LRRC4C: variants seen among roughly 807,000 people sequenced by gnomAD.
LRRC4C encodes leucine rich repeat containing 4C, also known as leucine-rich repeat-containing protein 4C.
A neutral mutation model predicts 33.6 loss-of-function variants in LRRC4C; 5 were observed. The observed-to-expected ratio is 0.15, with a 90% CI of 0.08 to 0.31. LRRC4C has a LOEUF of 0.31. Ranked by LOEUF, LRRC4C falls within the 10% of genes least tolerant of loss-of-function variation. The pLI is 1.00. For missense variants in LRRC4C, 560 were observed against 796.7 expected (o/e 0.70, Z 3.58); for synonymous variants, 329 against 302.0 (o/e 1.09, Z -0.93).
chr11:40,840,103 A>T (rs2135632034), intron 2 of LRRC4C, among the ~76,000 whole-genome samples: 1 of 152,292 alleles, frequency 6.6e-6, no homozygotes, highest in Non-Finnish European at 1.5e-5. Context: ...TACTTGTGTA[A>T]CTTCTATCGA....
chr11:41,063,280 G>C (rs1032408020), intron 1 of LRRC4C, among the ~76,000 whole-genome samples: 3 of 152,126 alleles, frequency 2.0e-5, no homozygotes, highest in Non-Finnish European at 2.9e-5. Context: ...CTCTGTGATA[G>C]GGATGTAATA....
At chr11:40,668,055 C>G (rs1271671743) in intron 2 of LRRC4C, among the ~76,000 whole-genome samples, 1 of 152,082 alleles carries the variant, frequency 6.6e-6, no homozygotes, top group Non-Finnish European at 1.5e-5. Context: ...AGGTCAGGCC[C>G]CCACTGTGAA....
intron 1 of LRRC4C, among the ~76,000 whole-genome samples, chr11:41,093,587 G>T (rs1417712782): frequency 6.6e-6 from 1 of 151,408 alleles, no homozygotes; most frequent in East Asian, 1.9e-4. Context: ...AAAACACTGG[G>T]CCCTTTGAAC....
chr11:40,766,723 G>C (rs1027995633), intron 2 of LRRC4C, among the ~76,000 whole-genome samples: 3 of 151,828 alleles, frequency 2.0e-5, no homozygotes, highest in African/African-American at 7.3e-5. Context: ...TTAATTAAAG[G>C]CTTTAAGATA....
rs531622328 is a variant in LRRC4C at position 40,479,617 on chromosome 11, G to A, written c.-269-159896C>T. Among the ~76,000 whole-genome samples the A allele has an allele frequency of 3.9e-5, 6 of 152,224 alleles. No individual in the cohort carries two copies. The South Asian group carries it at 6.2e-4, about 16-fold the overall frequency. ...ATCAGGTTAAGCTGCCGAGGGAGGC[G>A]GCTGCTTTAAACATAGTGCCAAGTT... is the stretch of plus-strand genomic sequence containing the variant. On this transcript the variant is annotated intron_variant, in intron 3 of 6. Coordinates refer to ENST00000528697, the MANE Select transcript of LRRC4C (RefSeq NM_001258419.2).
At chr11:41,026,898 G>A (rs1856412012) in intron 1 of LRRC4C, among the ~76,000 whole-genome samples, 1 of 151,440 alleles carries the variant, frequency 6.6e-6, no homozygotes, top group African/African-American at 2.4e-5. Flanking sequence ...ATTTTTATAT[G>A]CACTGAGAAA....
chr11:40,149,644 G>A (rs1343149773), intron 5 of LRRC4C, among the ~76,000 whole-genome samples: 1 of 152,110 alleles, frequency 6.6e-6, no homozygotes, highest in African/African-American at 2.4e-5. Flanking sequence ...GGGAGAGTTT[G>A]AGAGAAAACA....
At chr11:40,761,522 A>T (rs557531684) in intron 2 of LRRC4C, among the ~76,000 whole-genome samples, 17 of 152,238 alleles carry the variant, frequency 1.1e-4, no homozygotes, top group Non-Finnish European at 2.5e-4. Context: ...TTGGTTACAC[A>T]TGGATTGCTA....
At chr11:41,222,746 G>C (rs1216451275) in intron 1 of LRRC4C, 2 of 143,726 alleles carry the variant, frequency 1.4e-5, no homozygotes, top group African/African-American at 2.6e-5. Flanking sequence ...TCCCATGACA[G>C]ACATTTGCCC....
chr11:41,189,328 G>A (rs773433918), intron 1 of LRRC4C, among the ~76,000 whole-genome samples: 13 of 152,172 alleles, frequency 8.5e-5, no homozygotes, highest in South Asian at 2.1e-4. Flanking sequence ...AAGACAAGAC[G>A]TTTCCTGGCT....
intron 3 of LRRC4C, among the ~76,000 whole-genome samples, chr11:40,386,981 G>T (rs1166739060): frequency 6.6e-6 from 1 of 151,988 alleles, no homozygotes; most frequent in East Asian, 1.9e-4. Flanking sequence ...TGACTGATAT[G>T]ATTTAATTTG....
chr11:40,887,264 T>C (rs1285832076), intron 2 of LRRC4C, among the ~76,000 whole-genome samples: 1 of 151,952 alleles, frequency 6.6e-6, no homozygotes, highest in Non-Finnish European at 1.5e-5. Flanking sequence ...ACAATTGGTA[T>C]AGACAATGAT....
intron 4 of LRRC4C, among the ~76,000 whole-genome samples, chr11:40,267,436 C>T (rs191695863): frequency 6.6e-6 from 1 of 152,170 alleles, no homozygotes; most frequent in African/African-American, 2.4e-5. Flanking sequence ...ACTGCAAGCT[C>T]TGCCTCCCTG....
intron 2 of LRRC4C, among the ~76,000 whole-genome samples, chr11:40,748,048 G>A (rs979068792): frequency 6.6e-6 from 1 of 152,124 alleles, no homozygotes; most frequent in Admixed American, 6.6e-5. Context: ...ACTCATTACA[G>A]GAGGCTCTGT....
At chr11:41,193,481 A>G (rs1946050959) in intron 1 of LRRC4C, among the ~76,000 whole-genome samples, 1 of 152,152 alleles carries the variant, frequency 6.6e-6, no homozygotes, top group Non-Finnish European at 1.5e-5. Context: ...TCGTTGTTAT[A>G]GAAAAAGCCA....
chr11:40,352,868 T>C (rs1307174526), intron 3 of LRRC4C, among the ~76,000 whole-genome samples: 1 of 151,876 alleles, frequency 6.6e-6, no homozygotes, highest in African/African-American at 2.4e-5. Context: ...GATAAAAGAG[T>C]TTTTCCTTCA....
rs1231834372 is a variant in LRRC4C at position 41,059,385 on chromosome 11, G to A, written c.-495-125662C>T. Among the ~76,000 whole-genome samples the A allele has an allele frequency of 2.6e-5, 4 of 151,874 alleles. No homozygotes were observed. The South Asian group carries it at 8.3e-4, about 32-fold the overall frequency. ...AAACAGGTATTATAGCTTTCTTAAA[G>A]AGAGATACAAGAAGTTCTAGTATCT... On this transcript the variant is annotated intron_variant, in intron 1 of 6. Coordinates refer to ENST00000528697, the MANE Select transcript of LRRC4C (RefSeq NM_001258419.2).
chr11:40,960,641 A>G (rs1270831441), intron 1 of LRRC4C, among the ~76,000 whole-genome samples: 5 of 151,808 alleles, frequency 3.3e-5, no homozygotes, highest in Non-Finnish European at 1.5e-5. Context: ...CACAGAAGAA[A>G]ACTAAACATG....
At chr11:40,992,088 A>C (rs984061930) in intron 1 of LRRC4C, among the ~76,000 whole-genome samples, 4 of 152,226 alleles carry the variant, frequency 2.6e-5, no homozygotes, top group African/African-American at 9.6e-5. Flanking sequence ...TTCACATATC[A>C]CATATCCACA....
Sources: allele counts gnomAD v4.1 joint callset (sites outside exome capture counted in the v4.1 genomes callset), GRCh38; gene constraint gnomAD v4.1.1; transcripts MANE v1.5; gene names NCBI Gene and HGNC (gene_info 2026-07-23, HGNC 2026-07-21).